The following THSD7A variants were observed in gnomAD, a reference collection of about 807,000 sequenced individuals.
The protein encoded by THSD7A is thrombospondin type 1 domain containing 7A, also known as thrombospondin type-1 domain-containing protein 7A.
A neutral mutation model predicts 231.3 loss-of-function variants in THSD7A; 96 were observed. The observed-to-expected ratio is 0.41, with a 90% CI of 0.35 to 0.49. The LOEUF is 0.49. THSD7A is among the 20% of genes least tolerant of loss of function. THSD7A has a pLI of 0.05. For missense variants in THSD7A, 2,290 were observed against 2,070.2 expected, an observed-to-expected ratio of 1.11 and a Z score of -2.06; for synonymous variants, 940 against 743.3, an observed-to-expected ratio of 1.26 and a Z score of -4.30.
intron 11 of THSD7A, among the ~76,000 whole-genome samples, chr7:11,449,731 A>G (rs1028490255): frequency 5.9e-5 from 9 of 152,056 alleles, no homozygotes; most frequent in African/African-American, 2.2e-4. Context: ...AGTTCTTTCT[A>G]CACCTGCCAT....
At chr7:11,445,522 TG>T (rs1317466771) in intron 13 of THSD7A, among the ~76,000 whole-genome samples, 22 of 105,312 alleles carry the variant, frequency 2.1e-4, no homozygotes, top group Non-Finnish European at 3.1e-4. Flanking sequence ...TTGTTTTATG[TG>T]TGTGTGTGTG....
At chr7:11,801,715 T>C (rs6949236) in intron 1 of THSD7A, among the ~76,000 whole-genome samples, 120,164 of 152,090 alleles carry the variant, frequency 0.79, 47,704 homozygotes, top group South Asian at 0.9. Context: ...AGCTTGAAAG[T>C]AAAGCCAAAC....
At chr7:11,760,262 C>G (rs1782811382) in intron 1 of THSD7A, among the ~76,000 whole-genome samples, 2 of 152,010 alleles carry the variant, frequency 1.3e-5, no homozygotes, top group South Asian at 4.1e-4. Flanking sequence ...AAGTTAAGTA[C>G]ATTTGCACTG....
At chr7:11,797,816 A>G (rs1784170321) in intron 1 of THSD7A, among the ~76,000 whole-genome samples, 1 of 152,196 alleles carries the variant, frequency 6.6e-6, no homozygotes, top group South Asian at 2.1e-4. Flanking sequence ...ATTCTCAGCC[A>G]GACATCACTC....
intron 13 of THSD7A, among the ~76,000 whole-genome samples, chr7:11,432,284 T>A (rs1444875814): frequency 6.6e-6 from 1 of 152,096 alleles, no homozygotes; most frequent in Non-Finnish European, 1.5e-5. Flanking sequence ...CCAAAAAAAA[T>A]GGAAGATAAA....
intron 4 of THSD7A, among the ~76,000 whole-genome samples, chr7:11,554,001 G>C (rs1040473897): frequency 4.6e-5 from 7 of 151,708 alleles, no homozygotes; most frequent in Admixed American, 2.0e-4. Flanking sequence ...GGTAATTGTA[G>C]ATTGATATGA....
intron 23 of THSD7A, among the ~76,000 whole-genome samples, chr7:11,387,358 T>C (rs188343414): frequency 1.8e-4 from 28 of 152,336 alleles, no homozygotes; most frequent in African/African-American, 5.3e-4. Context: ...GGGATGTTTT[T>C]CCATTTATTT....
In THSD7A at chr7:11,372,468, T is replaced by G. The variant is rs965687451; in HGVS notation, c.*3326A>C. Reference sequence around the variant, plus strand: ...TTTATGCACTCTTTTTAAATTCACTTAAGCTACACCGTAGTATCCTCAAAA... The same window carrying G: ...TTTATGCACTCTTTTTAAATTCACTGAAGCTACACCGTAGTATCCTCAAAA... On this transcript the variant is annotated 3_prime_UTR_variant, in exon 28 of 28. Coordinates refer to ENST00000423059, the MANE Select transcript of THSD7A (RefSeq NM_015204.3). The G allele has an allele frequency of 3.3e-5, 5 of 152,112 alleles. No individual in the cohort carries two copies. Among genetic ancestry groups the G allele is most frequent in the Non-Finnish European group, 5.9e-5 (4 of 68,012 alleles). The allele number at this position is 152,112 out of a possible 1,614,324, so 9.4% of individuals were successfully genotyped here.
intron 6 of THSD7A, among the ~76,000 whole-genome samples, chr7:11,520,340 G>A (rs1381108466): frequency 6.6e-6 from 1 of 152,200 alleles, no homozygotes; most frequent in South Asian, 2.1e-4. Flanking sequence ...AGGTATGATC[G>A]ACATCATAGC....
chr7:11,695,458 G>A (rs1427555747), intron 1 of THSD7A, among the ~76,000 whole-genome samples: 1 of 151,430 alleles, frequency 6.6e-6, no homozygotes, highest in Non-Finnish European at 1.5e-5. Context: ...AGAAAAACAA[G>A]CAAATATTGA....
Position 11,541,573 on chromosome 7 carries a change from G to C in THSD7A, c.1668C>G (p.Thr556=), listed in dbSNP as rs75028730. Residue 556 remains threonine, a synonymous_variant, in exon 6 of 28, where the codon ACC becomes ACG. Coordinates refer to ENST00000423059, the MANE Select transcript of THSD7A (RefSeq NM_015204.3). ...CTTCCAGTAAGTGAGGGCAGTTTCC[G>C]GTTACCCCAGAGCCTCCAGTGGGCT... ...TNEPTGGSGV[T]GNCPHLLEAI... 3.8e-5 allele frequency: 61 copies of C among 1,613,942 alleles called. No homozygotes were observed. Among genetic ancestry groups the C allele is most frequent in the Non-Finnish European group, 4.9e-5 (58 of 1,179,882 alleles).
At chr7:11,509,410 A>G (rs1787696894) in intron 6 of THSD7A, among the ~76,000 whole-genome samples, 1 of 152,188 alleles carries the variant, frequency 6.6e-6, no homozygotes. Flanking sequence ...GCTACCATAC[A>G]ATCTGATTTC....
At chr7:11,708,601 G>T (rs1164996482) in intron 1 of THSD7A, among the ~76,000 whole-genome samples, 3 of 150,650 alleles carry the variant, frequency 2.0e-5, no homozygotes, top group Non-Finnish European at 4.5e-5. Context: ...AAATTTTTGA[G>T]TAGATTATCT....
At chr7:11,661,173 C>A (rs1328700837) in intron 1 of THSD7A, among the ~76,000 whole-genome samples, 2 of 151,396 alleles carry the variant, frequency 1.3e-5, no homozygotes, top group African/African-American at 4.8e-5. Flanking sequence ...ATAAAGAAAT[C>A]ATCTTTAATA....
At chr7:11,507,320 A>G (rs1440504830) in intron 6 of THSD7A, among the ~76,000 whole-genome samples, 1 of 152,194 alleles carries the variant, frequency 6.6e-6, no homozygotes, top group Admixed American at 6.5e-5. Flanking sequence ...TTATGTAGAT[A>G]TCACTGCAAT....
Position 11,379,292 on chromosome 7 carries a change from C to A in THSD7A, c.4591-12G>T, listed in dbSNP as rs1425505393. The stretch of plus-strand genomic sequence containing the variant: ...TGGCATGTTTTTGTCTGCAGGAGAA[C>A]AAGAAGATTTATACTAGCCATGCAA... On this transcript the variant is annotated splice_polypyrimidine_tract_variant and intron_variant, in intron 25 of 27. Transcript: ENST00000423059. 1.2e-6 allele frequency: 2 copies of A among 1,613,026 alleles called. No homozygotes were observed. Among genetic ancestry groups the A allele is most frequent in the South Asian group, 2.2e-5 (2 of 91,052 alleles).
intron 1 of THSD7A, among the ~76,000 whole-genome samples, chr7:11,745,961 G>GT (rs1378766412): frequency 2.0e-5 from 3 of 152,044 alleles, no homozygotes; most frequent in South Asian, 2.1e-4. Flanking sequence ...CTTTAAAGTA[G>GT]TTTTTTTCAA....
At chr7:11,586,682 T>C (rs991730338) in intron 4 of THSD7A, among the ~76,000 whole-genome samples, 1 of 152,212 alleles carries the variant, frequency 6.6e-6, no homozygotes, top group Admixed American at 6.5e-5. Flanking sequence ...AGACAAAATA[T>C]AGTGATAAAT....
Position 11,429,053 on chromosome 7 carries a change from C to T in THSD7A, c.3137G>A (p.Arg1046His), listed in dbSNP as rs773905875. ...ACCACTCCCACAGGACTTGCTGCAG[C>T]GCGACCAGTTGGACCACTCACTGAG... ...CKLSEWSNWS[R>H]CSKSCGSGVK... is the part of the protein sequence containing the mutation. The change falls in exon 14 of 28, where the codon CGC becomes CAC. Residue 1046 changes from arginine to histidine, a missense_variant. Arg to His is a conservative substitution (Grantham distance 29). Transcript: ENST00000423059. 1.2e-5 allele frequency: 19 copies of T among 1,612,926 alleles called. No individual in the cohort carries two copies. The highest frequency in any genetic ancestry group is 1.3e-5 in the African/African-American group (1 of 74,846).
Sources: allele counts gnomAD v4.1 joint callset (sites outside exome capture counted in the v4.1 genomes callset), GRCh38; gene constraint gnomAD v4.1.1; transcripts MANE v1.5; gene names NCBI Gene and HGNC (gene_info 2026-07-23, HGNC 2026-07-21).